Variants in CTNNA3 observed in about 807,000 individuals in gnomAD.
CTNNA3 encodes the protein catenin alpha-3.
A neutral mutation model predicts 95.7 loss-of-function variants in CTNNA3; 76 were observed. The observed-to-expected ratio is 0.79, with a 90% CI of 0.66 to 0.96. The LOEUF (loss-of-function observed/expected upper bound fraction) is 0.96, where lower values mean the gene tolerates loss of function less well. CTNNA3 is among the 40% of genes least tolerant of loss of function. CTNNA3 has a pLI of 0.00. For synonymous variants in CTNNA3, 431 were observed against 374.4 expected, an observed-to-expected ratio of 1.15 and a Z score of -1.74; for missense variants, 1,191 against 1,089.8, an observed-to-expected ratio of 1.09 and a Z score of -1.31.
intron 7 of CTNNA3, among the ~76,000 whole-genome samples, chr10:67,146,818 T>C (rs1860868726): frequency 6.6e-6 from 1 of 152,330 alleles, no homozygotes; most frequent in Non-Finnish European, 1.5e-5. Context: ...GGACCACATA[T>C]ACAACTCTGG....
intron 13 of CTNNA3, among the ~76,000 whole-genome samples, chr10:66,232,043 T>C (rs565926358): frequency 6.6e-5 from 10 of 152,200 alleles, no homozygotes; most frequent in Non-Finnish European, 1.5e-4. Context: ...TCTAATGAAA[T>C]ACAACCCACA....
chr10:66,090,448 A>G (rs991800804), intron 14 of CTNNA3, among the ~76,000 whole-genome samples: 3 of 152,056 alleles, frequency 2.0e-5, no homozygotes, highest in Admixed American at 6.6e-5. Context: ...ACTTAATGAT[A>G]CATCATTCCT....
At chr10:67,493,528 C>G (rs1838929530) in intron 5 of CTNNA3, among the ~76,000 whole-genome samples, 2 of 146,114 alleles carry the variant, frequency 1.4e-5, no homozygotes, top group Admixed American at 1.4e-4. Context: ...CACCACTGCA[C>G]TCCAGGCTGG....
intron 9 of CTNNA3, among the ~76,000 whole-genome samples, chr10:66,673,942 T>C (rs1846754610): frequency 2.0e-5 from 3 of 152,016 alleles, no homozygotes; most frequent in Non-Finnish European, 4.4e-5. Context: ...CTTTTTATTA[T>C]TGAAATTTAG....
chr10:66,822,111 A>C (rs1463052127), intron 7 of CTNNA3, among the ~76,000 whole-genome samples: 3 of 51,466 alleles, frequency 5.8e-5, no homozygotes, highest in African/African-American at 2.4e-4. Context: ...TTTATGCATA[A>C]ATATTACGTT....
In CTNNA3 at chr10:66,537,551, AAATTATAAATGTATTTATAAT is replaced by A. The variant is rs577519891; in HGVS notation, c.1375-16799_1375-16779del. On this transcript the variant is annotated intron_variant, in intron 10 of 17. Transcript: ENST00000433211. ...AAGGAAAGGGAATTATTTATTTATT[AAATTATAAATGTATTTATAAT>A]AATTATAAATAAATTGTTATAATTT... 3.1e-3 allele frequency among the ~76,000 whole-genome samples: 472 copies of A among 150,110 alleles called. 4 individuals are homozygous for A. The highest frequency in any genetic ancestry group is 0.011 in the African/African-American group (456 of 41,274).
At chr10:67,384,328 G>A (rs796127322) in intron 5 of CTNNA3, among the ~76,000 whole-genome samples, 7 of 152,204 alleles carry the variant, frequency 4.6e-5, no homozygotes, top group African/African-American at 1.7e-4. Flanking sequence ...TTTTCTCATT[G>A]CTTAAGGAAT....
intron 9 of CTNNA3, among the ~76,000 whole-genome samples, chr10:66,625,308 T>C (rs7919548): frequency 0.35 from 52,989 of 152,012 alleles, 9,481 homozygotes; most frequent in Middle Eastern, 0.51. Context: ...TAGATGAGAA[T>C]GCCTAGCCAG....
intron 11 of CTNNA3, among the ~76,000 whole-genome samples, chr10:66,405,763 T>C (rs1278443913): frequency 6.6e-6 from 1 of 152,174 alleles, no homozygotes; most frequent in African/African-American, 2.4e-5. Context: ...TGCACTAGCT[T>C]GCAAGGTCTT....
rs749514415 is a variant in CTNNA3, at chr10:67,382,503, A to G, written c.579+139339T>C. Among the ~76,000 whole-genome samples the G allele has an allele frequency of 1.2e-4, 19 of 152,344 alleles. 1 individual carries two copies. The highest frequency in any genetic ancestry group is 1.5e-4 in the Non-Finnish European group (10 of 68,026). ...ATTATATTAGAAAAATATAATATGT[A>G]TTTGTAGGAACTACTAAAATTAAGG... On this transcript the variant is annotated intron_variant, in intron 5 of 17. Coordinates refer to ENST00000433211, the MANE Select transcript of CTNNA3 (RefSeq NM_013266.4).
intron 15 of CTNNA3, among the ~76,000 whole-genome samples, chr10:66,028,133 T>A (rs543494013): frequency 6.6e-6 from 1 of 152,260 alleles, no homozygotes; most frequent in East Asian, 1.9e-4. Flanking sequence ...ATCAGTTTTT[T>A]AAAAAAGGGA....
At chr10:66,108,192 CA>C (rs2081981984) in intron 13 of CTNNA3, among the ~76,000 whole-genome samples, 1 of 152,128 alleles carries the variant, frequency 6.6e-6, no homozygotes, top group Non-Finnish European at 1.5e-5. Flanking sequence ...ATCAATGACA[CA>C]ATGCCAAAAT....
At chr10:66,644,700 A>G (rs1438925940) in intron 9 of CTNNA3, among the ~76,000 whole-genome samples, 1 of 93,076 alleles carries the variant, frequency 1.1e-5, no homozygotes, top group Non-Finnish European at 2.0e-5. Flanking sequence ...CTTGACACTG[A>G]TATAACTCAC....
At chr10:66,735,958 T>C (rs1280857907) in intron 9 of CTNNA3, among the ~76,000 whole-genome samples, 2 of 152,190 alleles carry the variant, frequency 1.3e-5, no homozygotes, top group East Asian at 3.9e-4. Context: ...CTTGTGTTCT[T>C]ACCCTTGCCT....
intron 9 of CTNNA3, among the ~76,000 whole-genome samples, chr10:66,677,445 C>T (rs1286000365): frequency 1.3e-5 from 2 of 151,838 alleles, no homozygotes; most frequent in Non-Finnish European, 2.9e-5. Flanking sequence ...AATACTCCTT[C>T]AAGTTGCTAT....
intron 10 of CTNNA3, among the ~76,000 whole-genome samples, chr10:66,534,560 T>C (rs1313881613): frequency 6.7e-6 from 1 of 149,572 alleles, no homozygotes; most frequent in African/African-American, 2.4e-5. Flanking sequence ...TTTATATATA[T>C]AAAAGAGAAA....
chr10:66,385,146 C>T (rs2092878810), intron 11 of CTNNA3, among the ~76,000 whole-genome samples: 1 of 152,080 alleles, frequency 6.6e-6, no homozygotes, highest in Non-Finnish European at 1.5e-5. Context: ...ATCAATGAAT[C>T]CAGGAGCTGG....
chr10:67,532,867 AT>A (rs1351035174), intron 4 of CTNNA3, among the ~76,000 whole-genome samples: 1 of 152,204 alleles, frequency 6.6e-6, no homozygotes, highest in Admixed American at 6.5e-5. Context: ...AAGCTCGCAG[AT>A]TTTTAACTTT....
At chr10:67,179,044 T>C (rs1192794393) in intron 7 of CTNNA3, among the ~76,000 whole-genome samples, 1 of 152,144 alleles carries the variant, frequency 6.6e-6, no homozygotes, top group East Asian at 1.9e-4. Context: ...ACATCAAATG[T>C]GTTGAAGGGT....
Sources: gnomAD v4.1 joint callset for allele counts (sites outside exome capture counted in the v4.1 genomes callset) on GRCh38, gnomAD v4.1.1 for gene constraint, MANE v1.5 for transcripts, NCBI Gene and HGNC (gene_info 2026-07-23, HGNC 2026-07-21) for gene names.